SOBP: variants seen among roughly 807,000 people sequenced by gnomAD.
SOBP encodes sine oculis binding protein homolog, also known as sine oculis-binding protein homolog.
In SOBP, 4 loss-of-function variants were observed where a neutral mutation model predicts 53.6. The ratio of observed to expected loss-of-function variants is 0.07; its 90% CI spans 0.04 to 0.17. The LOEUF is 0.17. SOBP is among the 10% of genes least tolerant of loss of function. The pLI, the probability that SOBP is intolerant of heterozygous loss-of-function variation, is 1.00. For missense variants in SOBP, 1,088 were observed against 1,204.7 expected (o/e 0.90, Z 1.43); for synonymous variants, 584 against 522.6 (o/e 1.12, Z -1.60).
intron 6 of SOBP, among the ~76,000 whole-genome samples, chr6:107,641,072 G>A (rs1771290637): frequency 6.6e-6 from 1 of 152,236 alleles, no homozygotes; most frequent in Non-Finnish European, 1.5e-5. Flanking sequence ...TCCAGAAAAA[G>A]TATGCTCTAT....
At chr6:107,495,134 A>G (rs1229597506) in intron 1 of SOBP, among the ~76,000 whole-genome samples, 1 of 152,230 alleles carries the variant, frequency 6.6e-6, no homozygotes, top group African/African-American at 2.4e-5. Flanking sequence ...CCACTGTGGC[A>G]TTCACAAATT....
chr6:107,553,252 A>T (rs1784513148), intron 4 of SOBP, among the ~76,000 whole-genome samples: 1 of 151,704 alleles, frequency 6.6e-6, no homozygotes, highest in Non-Finnish European at 1.5e-5. Flanking sequence ...ACATAATTTC[A>T]TGGGGTTCAT....
In SOBP at chr6:107,634,684, G is replaced by A. The variant is rs752780576; in HGVS notation, c.1840G>A (p.Glu614Lys). The change falls in exon 6 of 7, where the codon GAG becomes AAG. Residue 614 changes from glutamate to lysine, a missense_variant. Glu to Lys is a moderately conservative substitution (Grantham distance 56). Coordinates refer to ENST00000317357, the MANE Select transcript of SOBP (RefSeq NM_018013.4). This position sits in a 1 kb window ranked among gnomAD's most constrained non-coding sequence, Gnocchi z 4.5. ...CCTGAGCCTGGCGCCCACGCCCGCC[G>A]AGCATGGCCGGAGCGAGGTGGTGGA... ...QALSLAPTPA[E>K]HGRSEVVDLT... 2.0e-6 allele frequency: 3 copies of A among 1,527,342 alleles called. No individual in the cohort carries two copies. The highest frequency in any genetic ancestry group is 1.9e-4 in the Middle Eastern group (1 of 5,228). The allele number at this position is 1,527,342 out of a possible 1,614,324, so 94.6% of individuals were successfully genotyped here. A position where few individuals can be genotyped will look rare whatever the true frequency, so the allele number is the denominator to read the frequency against.
Position 107,507,361 on chromosome 6 carries a change from A to G in SOBP, c.421+934A>G, listed in dbSNP as rs371927146. On this transcript the variant is annotated intron_variant, in intron 3 of 6. Transcript: ENST00000317357. ...GCTCTTCTCACCCAGGCTGGAGAGC[A>G]GTGGTGCTATCTTGGCTCACTGCAA... Among the ~76,000 whole-genome samples the G allele has an allele frequency of 1.2e-4, 18 of 152,186 alleles. No individual in the cohort carries two copies. In the East Asian group the frequency reaches 2.1e-3, roughly 18 times the overall value.
At chr6:107,500,869 C>T (rs1160016808) in intron 1 of SOBP, among the ~76,000 whole-genome samples, 2 of 152,094 alleles carry the variant, frequency 1.3e-5, no homozygotes, top group Non-Finnish European at 2.9e-5. Context: ...TTGGCTTCTT[C>T]ATACAATAGT....
chr6:107,544,730 T>C (rs1347898644), intron 4 of SOBP, among the ~76,000 whole-genome samples: 1 of 152,236 alleles, frequency 6.6e-6, no homozygotes, highest in Non-Finnish European at 1.5e-5. Flanking sequence ...GAATGGCGCT[T>C]TACCCACAAA....
chr6:107,533,685 A>G (rs1783911341), intron 4 of SOBP, 75 bp downstream of exon 4: 1 of 1,576,484 alleles, frequency 6.3e-7, no homozygotes, highest in Non-Finnish European at 8.7e-7. Context: ...CATAGCTTCT[A>G]GCGGAAAACA....
At chr6:107,625,003 T>C (rs557538621) in intron 5 of SOBP, among the ~76,000 whole-genome samples, 96 of 152,352 alleles carry the variant, frequency 6.3e-4, no homozygotes, top group African/African-American at 2.2e-3. Context: ...ACTTAGAATC[T>C]GGATCTGCCA....
intron 6 of SOBP, among the ~76,000 whole-genome samples, chr6:107,639,206 A>T (rs186970589): frequency 2.0e-4 from 31 of 152,344 alleles, no homozygotes; most frequent in Middle Eastern, 6.8e-3. Flanking sequence ...CCCAGTCTGT[A>T]GTACTGTTTA....
intron 4 of SOBP, among the ~76,000 whole-genome samples, chr6:107,539,511 A>G (rs1285942866): frequency 6.6e-6 from 1 of 152,190 alleles, no homozygotes; most frequent in Non-Finnish European, 1.5e-5. Flanking sequence ...GTTCACTTAA[A>G]TCAAGTTTTT....
At chr6:107,584,589 C>T (rs1785508699) in intron 4 of SOBP, among the ~76,000 whole-genome samples, 1 of 152,108 alleles carries the variant, frequency 6.6e-6, no homozygotes, top group Admixed American at 6.5e-5. Context: ...AGGCCATTCC[C>T]AGAGCCATGG....
chr6:107,545,597 T>C (rs539977084), intron 4 of SOBP, among the ~76,000 whole-genome samples: 2 of 152,314 alleles, frequency 1.3e-5, no homozygotes, highest in East Asian at 3.9e-4. Context: ...GATTTTATCT[T>C]CCTGGGTCTT....
intron 4 of SOBP, among the ~76,000 whole-genome samples, chr6:107,553,418 T>C (rs1402773802): frequency 6.6e-6 from 1 of 151,614 alleles, no homozygotes; most frequent in African/African-American, 2.4e-5. Context: ...AACCTCTGCC[T>C]CCTGGGCTCA....
chr6:107,541,680 T>C (rs1014535981), intron 4 of SOBP, among the ~76,000 whole-genome samples: 1 of 152,220 alleles, frequency 6.6e-6, no homozygotes, highest in Non-Finnish European at 1.5e-5. Context: ...TGATATGTTA[T>C]CTTATAATCT....
In SOBP at chr6:107,636,513, C is replaced by T. The variant is rs530603955; in HGVS notation, c.*3+1044C>T. ...AAGCAGAGCTGGTACGTGGGGAAGC[C>T]GTATTCAACTCAGGCCTGTTGGACA... On this transcript the variant is annotated intron_variant, in intron 6 of 6. Transcript: ENST00000317357. Among the ~76,000 whole-genome samples the T allele has an allele frequency of 1.1e-3, 170 of 152,272 alleles. 1 individual carries two copies. In the South Asian group the frequency reaches 0.035, roughly 31 times the overall value.
chr6:107,530,423 C>G (rs1483407438), intron 3 of SOBP, among the ~76,000 whole-genome samples: 4 of 152,024 alleles, frequency 2.6e-5, no homozygotes, highest in African/African-American at 9.7e-5. Context: ...TCTAGGGGTG[C>G]AGTCATAAGA....
At chr6:107,595,350 C>CTTTTTTT (rs745477007) in intron 5 of SOBP, among the ~76,000 whole-genome samples, 48 of 88,122 alleles carry the variant, frequency 5.4e-4, no homozygotes, top group East Asian at 3.7e-3. Flanking sequence ...GATTTTGATC[C>CTTTTTTT]TTTTTTTTTT....
At chr6:107,591,609 T>G (rs1562086043) in intron 5 of SOBP, among the ~76,000 whole-genome samples, 1 of 152,024 alleles carries the variant, frequency 6.6e-6, no homozygotes, top group Non-Finnish European at 1.5e-5. Flanking sequence ...GGTTAGTATA[T>G]AGGTTGGCCA....
intron 6 of SOBP, among the ~76,000 whole-genome samples, chr6:107,637,346 G>A (rs1486466477): frequency 2.0e-5 from 3 of 152,176 alleles, no homozygotes; most frequent in African/African-American, 7.2e-5. Context: ...TGTCAGTTGA[G>A]GAAGAAAGGT....
Sources: allele counts gnomAD v4.1 joint callset (sites outside exome capture counted in the v4.1 genomes callset), GRCh38; gene constraint gnomAD v4.1.1; non-coding constraint Gnocchi (gnomAD v3.1); transcripts MANE v1.5; gene names NCBI Gene and HGNC (gene_info 2026-07-23, HGNC 2026-07-21).